GCH1: variants seen among roughly 807,000 people sequenced by gnomAD.
GCH1 encodes GTP cyclohydrolase 1.
Under a neutral mutation model 25.9 loss-of-function variants are expected in GCH1, and 5 were observed. The ratio of observed to expected loss-of-function variants is 0.19; its 90% CI spans 0.10 to 0.41. GCH1 has a LOEUF of 0.41. GCH1 is among the 10% of genes least tolerant of loss of function. The pLI is 1.00. For missense variants in GCH1, 261 were observed against 336.5 expected (o/e 0.78, Z 1.75); for synonymous variants, 159 against 129.6 (o/e 1.23, Z -1.54).
In GCH1 at chr14:54,845,615, T is replaced by C. The variant is rs1243192522; in HGVS notation, c.626+153A>G. 3 of 694,896 alleles carry C rather than the reference T, an allele frequency of 4.3e-6. No homozygotes were observed. The Admixed American group carries it at 6.1e-5, about 14-fold the overall frequency. 43.0% of individuals were successfully genotyped at this position (694,896 alleles called of 1,614,324 possible). ...CTATATCAGTAACAGTAAATGAAAG[T>C]GGTAAAAGAGCTTTAGGCTCAGGGA... is the stretch of plus-strand genomic sequence containing the variant. On this transcript the variant is annotated intron_variant, in intron 5 of 5. Transcript: ENST00000491895.
intron 1 of GCH1, among the ~76,000 whole-genome samples, chr14:54,880,831 C>CATAT (rs542373321): frequency 2.0e-4 from 12 of 59,480 alleles, no homozygotes; most frequent in African/African-American, 6.9e-4. Flanking sequence ...ATATATACTC[C>CATAT]ATATATATAT....
rs768865732 is a variant in GCH1, at chr14:54,843,083, T to G, written c.*934A>C. 1.1e-5 allele frequency: 16 copies of G among 1,393,950 alleles called. No individual in the cohort carries two copies. Among genetic ancestry groups the G allele is most frequent in the South Asian group, 3.5e-5 (3 of 85,016 alleles). 86.3% of individuals were successfully genotyped at this position (1,393,950 alleles called of 1,614,324 possible). A position where few individuals can be genotyped will look rare whatever the true frequency, so the allele number is the denominator to read the frequency against. On this transcript the variant is annotated 3_prime_UTR_variant, in exon 6 of 6. Coordinates refer to ENST00000491895, the MANE Select transcript of GCH1 (RefSeq NM_000161.3). ...AAAATGATGGGCACTCTCAAATGTTTCTGGAAATACTTAGAAAAATATCTT... is the reference window on the plus strand; with the variant it reads ...AAAATGATGGGCACTCTCAAATGTTGCTGGAAATACTTAGAAAAATATCTT...
rs1462801603 is a variant in GCH1 at position 54,891,269 on chromosome 14, A to T, written c.343+11052T>A. 2.0e-5 allele frequency among the ~76,000 whole-genome samples: 3 copies of T among 150,794 alleles called. No homozygotes were observed. The South Asian group carries it at 6.3e-4, about 32-fold the overall frequency. On this transcript the variant is annotated intron_variant, in intron 1 of 5. Coordinates refer to ENST00000491895, the MANE Select transcript of GCH1 (RefSeq NM_000161.3). ...AGGTGTGCACCACCATGCCCAGCAA[A>T]TTTTTTTGTATTTTTAGTAGAGATG...
intron 1 of GCH1, among the ~76,000 whole-genome samples, chr14:54,869,947 G>A (rs2040045244): frequency 6.6e-6 from 1 of 152,148 alleles, no homozygotes; most frequent in Non-Finnish European, 1.5e-5. Flanking sequence ...ATACACAGAA[G>A]AGACTACCTA....
chr14:54,865,382 T>G lies in GCH1; in HGVS notation c.398A>C (p.Lys133Thr). The change falls in exon 2 of 6, where the codon AAG (lysine) becomes ACG (threonine). Residue 133 changes from lysine (K) to threonine (T), a missense_variant. Physicochemically the swap from Lys to Thr is moderately conservative, Grantham distance 78. Transcript: ENST00000491895. ...ACACATGGAAAACATGTCTATGTCC[T>G]TCACAATCACCATCTCATCATGATC... ...DEDHDEMVIV[K>T]DIDMFSMCEH... 1 of 1,596,178 alleles carries G rather than the reference T, an allele frequency of 6.3e-7. No individual in the cohort carries two copies. Among genetic ancestry groups the G allele is most frequent in the South Asian group, 1.1e-5 (1 of 90,678 alleles).
At chr14:54,869,731 C>CA (rs2040042241) in intron 1 of GCH1, among the ~76,000 whole-genome samples, 1 of 151,466 alleles carries the variant, frequency 6.6e-6, no homozygotes, top group Non-Finnish European at 1.5e-5. Flanking sequence ...CCACCTGCCT[C>CA]AGCCTCCCAA....
chr14:54,885,799 G>A (rs1206821124), intron 1 of GCH1, among the ~76,000 whole-genome samples: 2 of 152,204 alleles, frequency 1.3e-5, no homozygotes, highest in East Asian at 3.8e-4. Flanking sequence ...TGAGGCACAA[G>A]AATTACTTGA....
intron 1 of GCH1, among the ~76,000 whole-genome samples, chr14:54,872,151 G>C (rs575462555): frequency 6.7e-4 from 102 of 152,202 alleles, no homozygotes; most frequent in African/African-American, 2.1e-3. Flanking sequence ...CTGATCTCTC[G>C]GCAGAAACTC....
rs1214036983 is a variant in GCH1, at chr14:54,902,621, C to T, written c.43G>A (p.Gly15Ser). ...GGGAACCCATTGCTGCACCTGGCGCCCCGCGGCTTCTCCGCCGGTGCCCGC... is the reference window on the plus strand; with the variant it reads ...GGGAACCCATTGCTGCACCTGGCGCTCCGCGGCTTCTCCGCCGGTGCCCGC... ...PVRAPAEKPR[G>S]ARCSNGFPER... The change falls in exon 1 of 6, where the codon GGC becomes AGC. Residue 15 changes from glycine to serine, a missense_variant. By Grantham distance (56) the Gly-to-Ser change is moderately conservative (BLOSUM62 0). Around this residue, in one of 3 missense-constraint regions of GCH1, gnomAD observed 125 missense variants for 128.7 expected, o/e 0.97. Coordinates refer to ENST00000491895, the MANE Select transcript of GCH1 (RefSeq NM_000161.3). 8 of 1,487,760 alleles carry T rather than the reference C, an allele frequency of 5.4e-6. No homozygotes were observed. The highest frequency in any genetic ancestry group is 7.1e-6 in the Non-Finnish European group (8 of 1,121,772). The allele number at this position is 1,487,760 out of a possible 1,614,324, so 92.2% of individuals were successfully genotyped here.
rs138961729 is a variant in GCH1, at chr14:54,879,142, T to C, written c.344-13706A>G. Among the ~76,000 whole-genome samples, 4 of 152,210 alleles carry C rather than the reference T, an allele frequency of 2.6e-5. No homozygotes were observed. In the East Asian group the frequency reaches 5.8e-4, roughly 22 times the overall value. Reference sequence around the variant, plus strand: ...CCAAGGGAACATAAGAATTTTCAGCTGGGCACAGTGGTTCACGCCTGTAAT... The same window carrying C: ...CCAAGGGAACATAAGAATTTTCAGCCGGGCACAGTGGTTCACGCCTGTAAT... On this transcript the variant is annotated intron_variant, in intron 1 of 5. Coordinates refer to ENST00000491895, the MANE Select transcript of GCH1 (RefSeq NM_000161.3).
intron 1 of GCH1, among the ~76,000 whole-genome samples, chr14:54,871,667 T>G (rs936344913): frequency 6.6e-6 from 1 of 152,186 alleles, no homozygotes; most frequent in Admixed American, 6.5e-5. Flanking sequence ...CTGATGGAGC[T>G]GAAAACCATG....
At chr14:54,897,977 C>A (rs113622059) in intron 1 of GCH1, among the ~76,000 whole-genome samples, 2 of 152,318 alleles carry the variant, frequency 1.3e-5, no homozygotes, top group African/African-American at 4.8e-5. Context: ...TAGCCTATTA[C>A]ACACCTAGGC....
At chr14:54,863,734 A>T (rs992926124) in intron 2 of GCH1, among the ~76,000 whole-genome samples, 5 of 152,174 alleles carry the variant, frequency 3.3e-5, no homozygotes, top group Admixed American at 2.0e-4. Context: ...AAACGAATCC[A>T]TAGGGTTATA....
chr14:54,873,831 T>G (rs995552547), intron 1 of GCH1, among the ~76,000 whole-genome samples: 12 of 152,008 alleles, frequency 7.9e-5, no homozygotes, highest in Non-Finnish European at 1.5e-4. Flanking sequence ...AATAACAGGC[T>G]CTGAAATTGA....
intron 3 of GCH1, among the ~76,000 whole-genome samples, chr14:54,852,353 A>G (rs2039744204): frequency 6.6e-6 from 1 of 152,194 alleles, no homozygotes; most frequent in Non-Finnish European, 1.5e-5. Flanking sequence ...TGATTTCCCC[A>G]ATTATTCCAG....
chr14:54,850,732 G>A (rs565511277), intron 3 of GCH1, among the ~76,000 whole-genome samples: 12 of 152,206 alleles, frequency 7.9e-5, no homozygotes, highest in African/African-American at 2.9e-4. Flanking sequence ...TGCAGGGTTT[G>A]GTTTTCTGTC....
rs375020548 is a variant in GCH1 at position 54,851,985 on chromosome 14, T to TCAC, written c.510-4858_510-4856dup. Among the ~76,000 whole-genome samples the TCAC allele has an allele frequency of 4.0e-3, 616 of 152,358 alleles. 4 individuals are homozygous for TCAC. The highest frequency in any genetic ancestry group is 0.014 in the African/African-American group (576 of 41,576). On this transcript the variant is annotated intron_variant, in intron 3 of 5. Transcript: ENST00000491895. ...TTGTATTTTTAGTAGAGATGGTGTT[T>TCAC]CACCATGTTGGCCAGGCTGGTCTCG...
chr14:54,845,919 T>G, intron 4 of GCH1, 67 bp from the exon 5 acceptor site: 1 of 878,594 alleles, frequency 1.1e-6, no homozygotes, highest in African/African-American at 1.6e-5. Flanking sequence ...TTTCTGTCTC[T>G]AGAACATTTG....
chr14:54,842,617 A>G lies in GCH1; in HGVS notation c.*1400T>C, dbSNP rs556819808. 2.6e-4 allele frequency: 44 copies of G among 167,916 alleles called. No individual in the cohort carries two copies. The highest frequency in any genetic ancestry group is 9.5e-4 in the African/African-American group (40 of 42,268). The allele number at this position is 167,916 out of a possible 1,614,324, so 10.4% of individuals were successfully genotyped here. On this transcript the variant is annotated 3_prime_UTR_variant, in exon 6 of 6. Transcript: ENST00000491895. ...GCCCCATCATAACCCAAATAGCATC[A>G]AAGTGGCAGAGATGGGACTAAAGTT...
Sources: allele counts gnomAD v4.1 joint callset (sites outside exome capture counted in the v4.1 genomes callset), GRCh38; gene constraint gnomAD v4.1.1; regional missense constraint gnomAD v4.1.1; transcripts MANE v1.5; gene names NCBI Gene and HGNC (gene_info 2026-07-23, HGNC 2026-07-21).